PPIP5K2: variants seen among roughly 807,000 people sequenced by gnomAD.
The protein encoded by PPIP5K2 is diphosphoinositol pentakisphosphate kinase 2, also known as inositol hexakisphosphate and diphosphoinositol-pentakisphosphate kinase 2.
Under a neutral mutation model 154.6 loss-of-function variants are expected in PPIP5K2, and 105 were observed. That is an observed-to-expected ratio of 0.68 (90% CI 0.58 to 0.80). The LOEUF (loss-of-function observed/expected upper bound fraction) is 0.80. Ranked by LOEUF, PPIP5K2 falls within the 30% of genes least tolerant of loss-of-function variation. PPIP5K2 has a pLI of 0.00. For synonymous variants in PPIP5K2, 480 were observed against 490.3 expected (o/e 0.98, Z 0.28); for missense variants, 992 against 1,504.6 (o/e 0.66, Z 5.64).
chr5:103,128,231 T>A (rs1554201409), intron 1 of PPIP5K2, among the ~76,000 whole-genome samples: 2 of 152,068 alleles, frequency 1.3e-5, no homozygotes, highest in Non-Finnish European at 2.9e-5. Flanking sequence ...TTAAGAATAT[T>A]TGATCAAGTA....
intron 13 of PPIP5K2, among the ~76,000 whole-genome samples, chr5:103,155,410 T>C (rs1206595444): frequency 7.2e-4 from 53 of 73,470 alleles, no homozygotes; most frequent in African/African-American, 3.9e-3. Context: ...AGTTGTCTTT[T>C]TTTTTTTTTT....
intron 20 of PPIP5K2, 114 bp downstream of exon 20, chr5:103,173,396 G>A: frequency 8.3e-7 from 1 of 1,207,098 alleles, no homozygotes; most frequent in South Asian, 1.6e-5. Flanking sequence ...GGCATACTGT[G>A]AAAATAGTAT....
In PPIP5K2 at chr5:103,159,148, G is replaced by C. The variant is rs560298259; in HGVS notation, c.1740G>C (p.Gly580=). The C allele has an allele frequency of 6.4e-7, 1 of 1,565,096 alleles. No homozygotes were observed. Among genetic ancestry groups the C allele is most frequent in the East Asian group, 2.3e-5 (1 of 44,058 alleles). ...TTTTCTTTATTTAATATGCTTAGGG[G>C]CTTTTAGCTTTGGAAGGAGAGCTTA... The part of the protein sequence containing the change: ...VQMTAAAFAK[G]LLALEGELTP... Residue 580 remains glycine, a splice_region_variant and synonymous_variant, in exon 17 of 31, where the codon GGG becomes GGC. Coordinates refer to ENST00000358359, the MANE Select transcript of PPIP5K2 (RefSeq NM_001276277.3).
chr5:103,178,466 C>T lies in PPIP5K2; in HGVS notation c.2754+486C>T, dbSNP rs113289938. Reference sequence around the variant, plus strand: ...ATTGCTCTATTTGTCTCTCTCTCTACCAGTACCACAGTCTTAATTATTATA... The same window carrying T: ...ATTGCTCTATTTGTCTCTCTCTCTATCAGTACCACAGTCTTAATTATTATA... On this transcript the variant is annotated intron_variant, in intron 23 of 30. Transcript: ENST00000358359. Among the ~76,000 whole-genome samples the T allele has an allele frequency of 5.7e-3, 872 of 151,836 alleles. 6 individuals are homozygous for T. Among genetic ancestry groups the T allele is most frequent in the African/African-American group, 0.02 (835 of 41,498 alleles).
chr5:103,138,347 G>A (rs1554205156), intron 4 of PPIP5K2, 37 bp from the exon 5 acceptor site: 5 of 1,224,786 alleles, frequency 4.1e-6, no homozygotes, highest in African/African-American at 1.5e-5. Flanking sequence ...GTGAAATGGA[G>A]CAATAAAACA....
intron 1 of PPIP5K2, among the ~76,000 whole-genome samples, chr5:103,125,385 T>C (rs1789476856): frequency 1.3e-5 from 2 of 151,962 alleles, no homozygotes; most frequent in South Asian, 4.1e-4. Context: ...GATCAGCTAA[T>C]TGGAGTCAGT....
chr5:103,171,759 A>G (rs1032271839), intron 19 of PPIP5K2, among the ~76,000 whole-genome samples: 9 of 151,788 alleles, frequency 5.9e-5, no homozygotes, highest in Non-Finnish European at 1.2e-4. Context: ...TTATTTACAT[A>G]TAATTGCTTC....
At chr5:103,182,009 CTGTTA>C (rs782006481) in intron 24 of PPIP5K2, among the ~76,000 whole-genome samples, 10 of 152,002 alleles carry the variant, frequency 6.6e-5, no homozygotes, top group Non-Finnish European at 1.0e-4. Flanking sequence ...ATTATTTGTT[CTGTTA>C]TAACTTAATG....
At chr5:103,189,330 G>GA in intron 28 of PPIP5K2, 3 of 888,850 alleles carry the variant, frequency 3.4e-6, no homozygotes, top group Non-Finnish European at 5.0e-6. Context: ...AAGATAAGTG[G>GA]AAAAAAATGT....
intron 19 of PPIP5K2, among the ~76,000 whole-genome samples, chr5:103,169,317 C>T (rs1477358931): frequency 1.7e-4 from 25 of 151,202 alleles, no homozygotes; most frequent in Middle Eastern, 3.4e-3. Context: ...GTATTCCAAC[C>T]GTGGACTACA....
At chr5:103,125,053 A>T (rs1049417300) in intron 1 of PPIP5K2, among the ~76,000 whole-genome samples, 5 of 152,154 alleles carry the variant, frequency 3.3e-5, no homozygotes, top group African/African-American at 1.2e-4. Context: ...GATACTTGAG[A>T]TGTGCCAACC....
chr5:103,126,433 A>G (rs1448517260), intron 1 of PPIP5K2, among the ~76,000 whole-genome samples: 1 of 152,216 alleles, frequency 6.6e-6, no homozygotes, highest in Non-Finnish European at 1.5e-5. Flanking sequence ...TTCTACTTAC[A>G]CACATATTTT....
intron 13 of PPIP5K2, 65 bp from the exon 14 acceptor site, chr5:103,155,844 G>C: frequency 1.0e-6 from 1 of 1,000,012 alleles, no homozygotes; most frequent in South Asian, 1.3e-5. Context: ...ATAAAAGGGA[G>C]CATGAATATG....
intron 30 of PPIP5K2, among the ~76,000 whole-genome samples, chr5:103,197,312 G>A (rs1468068849): frequency 6.6e-6 from 1 of 151,818 alleles, no homozygotes; most frequent in Non-Finnish European, 1.5e-5. Context: ...TAGAATTTAT[G>A]TTTCCTTTTT....
rs782271515 is a variant in PPIP5K2, at chr5:103,147,908, C to T, written c.643-23C>T. On this transcript the variant is annotated intron_variant, in intron 6 of 30. Transcript: ENST00000358359. Reference sequence around the variant, plus strand: ...AGGGAAATAATTTGCTTTTTTATATCGATGGACATCTTTTGTTTTCAGATT... The same window carrying T: ...AGGGAAATAATTTGCTTTTTTATATTGATGGACATCTTTTGTTTTCAGATT... The T allele has an allele frequency of 4.8e-6, 7 of 1,457,700 alleles. No homozygotes were observed. The South Asian group carries it at 6.3e-5, about 13-fold the overall frequency. The allele number at this position is 1,457,700 out of a possible 1,614,324, so 90.3% of individuals were successfully genotyped here. A position where few individuals can be genotyped will look rare whatever the true frequency, so the allele number is the denominator to read the frequency against.
chr5:103,150,123 A>G (rs1159259807), intron 8 of PPIP5K2, among the ~76,000 whole-genome samples: 1 of 152,206 alleles, frequency 6.6e-6, no homozygotes, highest in East Asian at 1.9e-4. Flanking sequence ...CCTTCCTTTA[A>G]TGAAGGATAA....
At chr5:103,138,941 C>T (rs1368344180) in intron 5 of PPIP5K2, among the ~76,000 whole-genome samples, 5 of 152,166 alleles carry the variant, frequency 3.3e-5, no homozygotes, top group Non-Finnish European at 7.3e-5. Context: ...ATACGGAATT[C>T]GTGGGTCCCA....
intron 1 of PPIP5K2, 124 bp downstream of exon 1, chr5:103,120,612 G>C: frequency 2.4e-6 from 1 of 425,028 alleles, no homozygotes; most frequent in South Asian, 1.7e-5. Flanking sequence ...GCTCCACCGA[G>C]GGGCTTGTGC....
At chr5:103,141,395 G>A (rs1377900197) in intron 5 of PPIP5K2, among the ~76,000 whole-genome samples, 1 of 151,850 alleles carries the variant, frequency 6.6e-6, no homozygotes, top group Non-Finnish European at 1.5e-5. Flanking sequence ...CGCGTCTGGA[G>A]TTGTTCGTTC....
Sources: gnomAD v4.1 joint callset for allele counts (sites outside exome capture counted in the v4.1 genomes callset) on GRCh38, gnomAD v4.1.1 for gene constraint, MANE v1.5 for transcripts, NCBI Gene and HGNC (gene_info 2026-07-23, HGNC 2026-07-21) for gene names.